C1orf185: variants seen among roughly 807,000 people sequenced by gnomAD.
C1orf185 encodes chromosome 1 open reading frame 185, also known as uncharacterized protein C1orf185.
In C1orf185, 13 loss-of-function variants were observed where a neutral mutation model predicts 16.1. That is an observed-to-expected ratio of 0.81 (90% CI 0.53 to 1.28). The LOEUF is 1.28. Among genes scored for constraint, C1orf185 ranks in the 50% most tolerant of loss-of-function variants. The probability of loss-of-function intolerance (pLI) is 0.00; values close to 1 mark genes in which losing one functional copy is unlikely to be tolerated. For missense variants in C1orf185, 220 were observed against 225.2 expected, an observed-to-expected ratio of 0.98 and a Z score of 0.15; for synonymous variants, 80 against 76.9, an observed-to-expected ratio of 1.04 and a Z score of -0.21.
intron 1 of C1orf185, among the ~76,000 whole-genome samples, chr1:51,103,669 G>A (rs984196967): frequency 6.6e-6 from 1 of 151,796 alleles, no homozygotes; most frequent in Non-Finnish European, 1.5e-5. Flanking sequence ...CGCTAACTGG[G>A]ACCACAGGTG....
At chr1:51,119,392 G>T (rs1250016393) in intron 3 of C1orf185, among the ~76,000 whole-genome samples, 1 of 152,224 alleles carries the variant, frequency 6.6e-6, no homozygotes. Flanking sequence ...GCAAAACAGT[G>T]TTTGTTTTGT....
intron 3 of C1orf185, among the ~76,000 whole-genome samples, chr1:51,122,456 T>A (rs1203312384): frequency 5.9e-5 from 9 of 152,166 alleles, no homozygotes; most frequent in African/African-American, 2.2e-4. Flanking sequence ...CTTCAAGCCA[T>A]TGTAGATTCA....
chr1:51,110,625 A>T (rs553975718), intron 1 of C1orf185, among the ~76,000 whole-genome samples: 1 of 152,318 alleles, frequency 6.6e-6, no homozygotes, highest in South Asian at 2.1e-4. Flanking sequence ...CCAAAATAAT[A>T]TACTCCTCAG....
At chr1:51,149,025 G>T (rs148277201), downstream of C1orf185, among the ~76,000 whole-genome samples, 21 of 152,276 alleles carry the variant, frequency 1.4e-4, no homozygotes, top group Admixed American at 3.9e-4. Flanking sequence ...AAAAATGCTT[G>T]CAGGCACCTG....
intron 3 of C1orf185, among the ~76,000 whole-genome samples, chr1:51,135,997 T>C (rs879666919): frequency 6.6e-6 from 1 of 152,176 alleles, no homozygotes; most frequent in Non-Finnish European, 1.5e-5. Context: ...ATTACTAACG[T>C]TCCTATACAC....
chr1:51,127,228 C>T (rs910423273), intron 3 of C1orf185, among the ~76,000 whole-genome samples: 9 of 152,106 alleles, frequency 5.9e-5, no homozygotes, highest in Non-Finnish European at 1.2e-4. Flanking sequence ...AAAATTCTCT[C>T]ATGTCTGCTT....
intron 1 of C1orf185, among the ~76,000 whole-genome samples, chr1:51,104,009 TATAA>T (rs1369855325): frequency 1.3e-5 from 2 of 152,224 alleles, no homozygotes; most frequent in Non-Finnish European, 2.9e-5. Flanking sequence ...AGACACCAAC[TATAA>T]ATAATCAATA....
intron 3 of C1orf185, among the ~76,000 whole-genome samples, chr1:51,137,357 A>G (rs1646332981): frequency 6.6e-6 from 1 of 151,552 alleles, no homozygotes; most frequent in African/African-American, 2.4e-5. Flanking sequence ...ACATGACAAA[A>G]CCCCATCTCC....
chr1:51,148,377 C>T (rs1249397043), downstream of C1orf185, among the ~76,000 whole-genome samples: 1 of 152,140 alleles, frequency 6.6e-6, no homozygotes, highest in Non-Finnish European at 1.5e-5. Flanking sequence ...CCCGCCTTGG[C>T]CTCCCAAAGT....
chr1:51,147,823 G>A lies in C1orf185; in HGVS notation c.*52G>A, dbSNP rs1170188056. The A allele has an allele frequency of 7.2e-7, 1 of 1,389,042 alleles. No individual in the cohort carries two copies. The highest frequency in any genetic ancestry group is 9.5e-7 in the Non-Finnish European group (1 of 1,050,218). The allele number at this position is 1,389,042 out of a possible 1,614,324, so 86.0% of individuals were successfully genotyped here. On this transcript the variant is annotated 3_prime_UTR_variant, in exon 5 of 5. Transcript: ENST00000371759. ...GAAAATGTTCATGAAGAAACACAGA[G>A]GTTGAAATATAAAACCTTCAACATA... is the stretch of plus-strand genomic sequence containing the variant.
chr1:51,112,614 A>C, intron 2 of C1orf185, 45 bp downstream of exon 2: 2 of 1,443,342 alleles, frequency 1.4e-6, no homozygotes, highest in Non-Finnish European at 1.9e-6. Context: ...TTCTTTTAAA[A>C]ATTCAATAAA....
At chr1:51,119,809 C>A (rs188911463) in intron 3 of C1orf185, among the ~76,000 whole-genome samples, 2 of 152,220 alleles carry the variant, frequency 1.3e-5, no homozygotes, top group Admixed American at 1.3e-4. Context: ...AAAACAAACA[C>A]ATTTGTTGAG....
intron 3 of C1orf185, among the ~76,000 whole-genome samples, chr1:51,129,153 G>A (rs1177731688): frequency 1.3e-5 from 2 of 152,104 alleles, no homozygotes; most frequent in African/African-American, 4.8e-5. Flanking sequence ...CCAAAGTGCT[G>A]GGATTACAGG....
At chr1:51,124,081 GTTTT>G (rs893846873) in intron 3 of C1orf185, among the ~76,000 whole-genome samples, 1 of 113,586 alleles carries the variant, frequency 8.8e-6, no homozygotes, top group East Asian at 2.5e-4. Flanking sequence ...ACTGTAGTTT[GTTTT>G]TTTTTTTTTT....
At chr1:51,125,876 AG>A (rs914733324) in intron 3 of C1orf185, among the ~76,000 whole-genome samples, 6 of 152,062 alleles carry the variant, frequency 3.9e-5, no homozygotes, top group African/African-American at 1.4e-4. Flanking sequence ...GCAAAACAGG[AG>A]CTAGGTGCGG....
downstream of C1orf185, among the ~76,000 whole-genome samples, chr1:51,151,838 AC>A (rs1009764676): frequency 2.0e-5 from 3 of 151,756 alleles, no homozygotes; most frequent in African/African-American, 7.3e-5. Context: ...ACAGGCGCCC[AC>A]CACCACACCT....
chr1:51,135,474 G>A (rs548003037), intron 3 of C1orf185, among the ~76,000 whole-genome samples: 2 of 151,728 alleles, frequency 1.3e-5, no homozygotes, highest in South Asian at 2.1e-4. Flanking sequence ...GGAAGGCGGA[G>A]GTTGCAGTGA....
Position 51,147,500 on chromosome 1 carries a change from T to C in C1orf185, c.329T>C (p.Leu110Pro), listed in dbSNP as rs1278892503. 6.5e-7 allele frequency: 1 copy of C among 1,544,006 alleles called. No homozygotes were observed. Among genetic ancestry groups the C allele is most frequent in the Admixed American group, 2.0e-5 (1 of 49,086 alleles). ...GATCATTCTAAAGATGAACCCCAACTTGCAACAAAAAATATCATTTGTGAT... is the reference window on the plus strand; with the variant it reads ...GATCATTCTAAAGATGAACCCCAACCTGCAACAAAAAATATCATTTGTGAT... ...IKDHSKDEPQLATKNIICDPS... is the reference protein window; with the variant it reads ...IKDHSKDEPQPATKNIICDPS... Residue 110 changes from leucine (L) to proline (P), a missense_variant, in exon 5 of 5, where the codon CTT becomes CCT. Transcript: ENST00000371759.
chr1:51,148,977 A>G (rs750743861), downstream of C1orf185, among the ~76,000 whole-genome samples: 2 of 152,012 alleles, frequency 1.3e-5, no homozygotes, highest in Non-Finnish European at 2.9e-5. Flanking sequence ...TCCTATCTCT[A>G]TTTCTCAGAA....
Sources: allele counts gnomAD v4.1 joint callset (sites outside exome capture counted in the v4.1 genomes callset), GRCh38; gene constraint gnomAD v4.1.1; transcripts MANE v1.5; gene names NCBI Gene and HGNC (gene_info 2026-07-23, HGNC 2026-07-21).